Variants in ZDHHC2 observed in about 807,000 individuals in gnomAD.
The protein encoded by ZDHHC2 is zDHHC palmitoyltransferase 2.
ZDHHC2 carries 51 observed loss-of-function variants against 55.6 expected under a neutral mutation model. The ratio of observed to expected loss-of-function variants is 0.92; its 90% CI spans 0.73 to 1.16. The LOEUF (loss-of-function observed/expected upper bound fraction) is 1.16, where lower values mean the gene tolerates loss of function less well. Ranked by LOEUF, ZDHHC2 falls within the 50% of genes most tolerant of loss-of-function variation. The pLI is 0.00. For missense variants in ZDHHC2, 491 were observed against 442.4 expected, an observed-to-expected ratio of 1.11 and a Z score of -0.99; for synonymous variants, 199 against 152.9, an observed-to-expected ratio of 1.30 and a Z score of -2.22.
intron 3 of ZDHHC2, among the ~76,000 whole-genome samples, chr8:17,189,475 C>T (rs904426049): frequency 3.3e-5 from 5 of 152,204 alleles, no homozygotes; most frequent in Non-Finnish European, 5.9e-5. Flanking sequence ...GTGCCTAAAG[C>T]AGTGTCTGAC....
At chr8:17,180,704 G>A (rs1464168664) in intron 1 of ZDHHC2, among the ~76,000 whole-genome samples, 3 of 152,186 alleles carry the variant, frequency 2.0e-5, no homozygotes, top group Admixed American at 2.0e-4. Context: ...TTTTGTAGTG[G>A]AATAAGTGGG....
chr8:17,202,842 T>G (rs1394660952), intron 6 of ZDHHC2, among the ~76,000 whole-genome samples: 1 of 152,040 alleles, frequency 6.6e-6, no homozygotes, highest in Non-Finnish European at 1.5e-5. Context: ...ACTGACCTCC[T>G]TTGTCCCTAG....
At chr8:17,174,669 A>G (rs890064196) in intron 1 of ZDHHC2, among the ~76,000 whole-genome samples, 2 of 144,582 alleles carry the variant, frequency 1.4e-5, no homozygotes, top group Non-Finnish European at 1.5e-5. Flanking sequence ...GCTTTAACTT[A>G]GTATTGTTCA....
chr8:17,222,960 A>G lies in ZDHHC2; in HGVS notation c.*2739A>G, dbSNP rs1469405513. On this transcript the variant is annotated 3_prime_UTR_variant, in exon 13 of 13. Coordinates refer to ENST00000262096, the MANE Select transcript of ZDHHC2 (RefSeq NM_016353.5). ...GAAACAGACTATAAAACTCAACTACACTGTAATCAATAGACAACTATTGGA... is the reference window on the plus strand; with the variant it reads ...GAAACAGACTATAAAACTCAACTACGCTGTAATCAATAGACAACTATTGGA... 2 of 151,926 alleles carry G rather than the reference A, an allele frequency of 1.3e-5. No homozygotes were observed. Among genetic ancestry groups the G allele is most frequent in the Admixed American group, 6.6e-5 (1 of 15,240 alleles). 9.4% of individuals were successfully genotyped at this position (151,926 alleles called of 1,614,324 possible).
chr8:17,175,550 G>A (rs1035364429), intron 1 of ZDHHC2, among the ~76,000 whole-genome samples: 1 of 152,190 alleles, frequency 6.6e-6, no homozygotes, highest in African/African-American at 2.4e-5. Flanking sequence ...ACAGTTTGGT[G>A]ATGAATTTAT....
At chr8:17,160,602 C>G (rs866631085) in intron 1 of ZDHHC2, among the ~76,000 whole-genome samples, 4 of 152,198 alleles carry the variant, frequency 2.6e-5, no homozygotes, top group Non-Finnish European at 4.4e-5. Flanking sequence ...CCAGCAAACC[C>G]CTCTCCAAAT....
In ZDHHC2 at chr8:17,158,180, A is replaced by G. The variant is rs77383227; in HGVS notation, c.130+1327A>G. The stretch of plus-strand genomic sequence containing the variant: ...GATGCATTTAGGTATGCAGTCGTCA[A>G]GTCATCTAAAATATATAGGAAAGGA... On this transcript the variant is annotated intron_variant, in intron 1 of 12. Coordinates refer to ENST00000262096, the MANE Select transcript of ZDHHC2 (RefSeq NM_016353.5). Among the ~76,000 whole-genome samples the G allele has an allele frequency of 3.4e-3, 519 of 152,334 alleles. 17 individuals are homozygous for G. In the East Asian group the frequency reaches 0.062, roughly 18 times the overall value.
At chr8:17,201,553 T>A in intron 6 of ZDHHC2, among the ~76,000 whole-genome samples, 1 of 136,396 alleles carries the variant, frequency 7.3e-6, no homozygotes, top group African/African-American at 2.7e-5. Context: ...AGTGTGGTGG[T>A]GCGATCTTGG....
chr8:17,174,067 T>A (rs1272288310), intron 1 of ZDHHC2, among the ~76,000 whole-genome samples: 1 of 151,602 alleles, frequency 6.6e-6, no homozygotes, highest in Non-Finnish European at 1.5e-5. Flanking sequence ...CACCTCAATT[T>A]GTGCTCTATT....
rs1434496556 is a variant in ZDHHC2, at chr8:17,224,599, A to G, written c.*4378A>G. 6.6e-6 allele frequency: 1 copy of G among 151,700 alleles called. No individual in the cohort carries two copies. Among genetic ancestry groups the G allele is most frequent in the Admixed American group, 6.6e-5 (1 of 15,212 alleles). 9.4% of individuals were successfully genotyped at this position (151,700 alleles called of 1,614,324 possible). On this transcript the variant is annotated 3_prime_UTR_variant, in exon 13 of 13. Coordinates refer to ENST00000262096, the MANE Select transcript of ZDHHC2 (RefSeq NM_016353.5). ...TGATAAAGGTGCTTAATCAATTGAA[A>G]AAAAAACGCATAATGCTTCAAGGTA...
intron 1 of ZDHHC2, among the ~76,000 whole-genome samples, chr8:17,178,455 T>G (rs1050294851): frequency 6.6e-6 from 1 of 152,158 alleles, no homozygotes; most frequent in Non-Finnish European, 1.5e-5. Context: ...GACTAATACA[T>G]AGGGCTGGAA....
intron 6 of ZDHHC2, among the ~76,000 whole-genome samples, chr8:17,203,012 C>T (rs923891097): frequency 2.7e-5 from 4 of 150,414 alleles, no homozygotes; most frequent in African/African-American, 9.8e-5. Context: ...CTATCCCTTC[C>T]AATTTCTTCC....
At chr8:17,217,996 AAG>A (rs1337357766) in intron 12 of ZDHHC2, among the ~76,000 whole-genome samples, 1 of 152,226 alleles carries the variant, frequency 6.6e-6, no homozygotes, top group Non-Finnish European at 1.5e-5. Context: ...TATGAAAAGC[AAG>A]AGATTCACTT....
intron 8 of ZDHHC2, among the ~76,000 whole-genome samples, chr8:17,208,324 A>G (rs1050351667): frequency 2.7e-5 from 4 of 149,764 alleles, no homozygotes; most frequent in Non-Finnish European, 4.4e-5. Context: ...ATATATATCT[A>G]TATATAGATA....
At position 17,203,256 on chromosome 8, in the gene ZDHHC2, T is replaced by G. The variant is rs117578572; in HGVS notation, c.477-2399T>G. On this transcript the variant is annotated intron_variant, in intron 6 of 12. Transcript: ENST00000262096. Reference sequence around the variant, plus strand: ...TGTATTTTTATTTTACTTTATTAATTAACTTTTGAGATGGAGTTTTGCTCT... The same window carrying G: ...TGTATTTTTATTTTACTTTATTAATGAACTTTTGAGATGGAGTTTTGCTCT... Among the ~76,000 whole-genome samples the G allele has an allele frequency of 3.2e-3, 491 of 152,022 alleles. 2 individuals carry two copies. The highest frequency in any genetic ancestry group is 0.014 in the Middle Eastern group (4 of 294).
intron 6 of ZDHHC2, among the ~76,000 whole-genome samples, chr8:17,205,062 T>C (rs1807031879): frequency 6.6e-6 from 1 of 152,166 alleles, no homozygotes; most frequent in African/African-American, 2.4e-5. Flanking sequence ...AAAATGAAAT[T>C]CTAATCGATG....
chr8:17,212,396 T>C (rs949419055), intron 10 of ZDHHC2, among the ~76,000 whole-genome samples: 2 of 152,186 alleles, frequency 1.3e-5, no homozygotes, highest in African/African-American at 2.4e-5. Context: ...TCCTCCATGC[T>C]TCCATTATCA....
Position 17,224,057 on chromosome 8 carries a change from TCTC to T in ZDHHC2, c.*3839_*3841del, listed in dbSNP as rs1194006258. 1 of 151,334 alleles carries T rather than the reference TCTC, an allele frequency of 6.6e-6. No individual in the cohort carries two copies. The highest frequency in any genetic ancestry group is 1.5e-5 in the Non-Finnish European group (1 of 67,610). 9.4% of individuals were successfully genotyped at this position (151,334 alleles called of 1,614,324 possible). On this transcript the variant is annotated 3_prime_UTR_variant, in exon 13 of 13. Transcript: ENST00000262096. ...TTTTTTTTTTCCTTCCTCAAAATAGTCTCCTTGAAATGTGAGCAAAGAACTATG... is the reference window on the plus strand; with the variant it reads ...TTTTTTTTTTCCTTCCTCAAAATAGTCTTGAAATGTGAGCAAAGAACTATG...
At chr8:17,156,977 G>A (rs1804090360) in intron 1 of ZDHHC2, 124 bp downstream of exon 1, 2 of 922,206 alleles carry the variant, frequency 2.2e-6, no homozygotes, top group South Asian at 2.5e-5. Flanking sequence ...AACCTGCCGC[G>A]TCCCGCCGGC....
Sources: allele counts gnomAD v4.1 joint callset (sites outside exome capture counted in the v4.1 genomes callset), GRCh38; gene constraint gnomAD v4.1.1; transcripts MANE v1.5; gene names NCBI Gene and HGNC (gene_info 2026-07-23, HGNC 2026-07-21).